The following MYO9B variants were observed in gnomAD, a reference collection of about 807,000 sequenced individuals.
MYO9B encodes the protein myosin IXB, also known as unconventional myosin-IXb.
A neutral mutation model predicts 229.5 loss-of-function variants in MYO9B; 71 were observed. The observed-to-expected ratio is 0.31, with a 90% CI of 0.26 to 0.38. The LOEUF (loss-of-function observed/expected upper bound fraction) is 0.38, where lower values mean the gene tolerates loss of function less well. MYO9B is among the 10% of genes least tolerant of loss of function. The pLI, the probability that MYO9B is intolerant of heterozygous loss-of-function variation, is 1.00. For synonymous variants in MYO9B, 1,185 were observed against 1,235.8 expected (o/e 0.96, Z 0.86); for missense variants, 2,255 against 2,920.5 (o/e 0.77, Z 5.25).
chr19:17,160,216 C>G (rs541628644), intron 8 of MYO9B, among the ~76,000 whole-genome samples: 5 of 152,128 alleles, frequency 3.3e-5, no homozygotes, highest in Admixed American at 2.6e-4. Context: ...AAACAGGCAC[C>G]GGGGACATTC....
Position 17,172,993 on chromosome 19 carries a change from C to A in MYO9B, c.2140+30C>A. The A allele has an allele frequency of 6.3e-7, 1 of 1,591,184 alleles. No individual in the cohort carries two copies. Among genetic ancestry groups the A allele is most frequent in the South Asian group, 1.1e-5 (1 of 90,732 alleles). On this transcript the variant is annotated intron_variant, in intron 13 of 39. Coordinates refer to ENST00000682292, the MANE Select transcript of MYO9B (RefSeq NM_004145.4). This position sits in a 1 kb window ranked among gnomAD's most constrained non-coding sequence, Gnocchi z 8.2. The stretch of plus-strand genomic sequence containing the variant: ...GAGCTGGGGCGTGAACCCACAAAAG[C>A]GTCACTGTCGAGAGGGGGGCACATC...
intron 2 of MYO9B, among the ~76,000 whole-genome samples, chr19:17,134,186 A>G (rs1466602595): frequency 3.3e-5 from 5 of 152,104 alleles, no homozygotes; most frequent in African/African-American, 1.2e-4. Context: ...TGAACACTGT[A>G]TCCAATAGGT....
intron 2 of MYO9B, among the ~76,000 whole-genome samples, chr19:17,128,894 T>C (rs2072158511): frequency 6.6e-6 from 1 of 152,218 alleles, no homozygotes; most frequent in Non-Finnish European, 1.5e-5. Context: ...TCTCCCTCTT[T>C]CAGCCCCTTT....
At chr19:17,163,898 G>A (rs889358191) in intron 10 of MYO9B, among the ~76,000 whole-genome samples, 4 of 152,160 alleles carry the variant, frequency 2.6e-5, no homozygotes, top group African/African-American at 9.7e-5. Context: ...CACTTGGGTT[G>A]CTTCCAGCTT....
chr19:17,152,648 G>A lies in MYO9B; in HGVS notation c.940G>A (p.Val314Ile), dbSNP rs752530375. Residue 314 changes from valine to isoleucine, a missense_variant, in exon 4 of 40, where the codon GTC (valine) becomes ATC (isoleucine). Coordinates refer to ENST00000682292, the MANE Select transcript of MYO9B (RefSeq NM_004145.4). Reference protein sequence around the residue: ...YLESGIVRGAVVEKYLLEKSR... With the variant: ...YLESGIVRGAIVEKYLLEKSR... ...CTGTTTTTCTCTTAATGACAGAGCTGTCGTCGAGAAATATCTGCTTGAAAA... is the reference window on the plus strand; with the variant it reads ...CTGTTTTTCTCTTAATGACAGAGCTATCGTCGAGAAATATCTGCTTGAAAA... 2.0e-5 allele frequency: 33 copies of A among 1,612,410 alleles called. No individual in the cohort carries two copies. Among genetic ancestry groups the A allele is most frequent in the Non-Finnish European group, 2.0e-5 (23 of 1,179,046 alleles).
At chr19:17,119,428 G>A (rs944821554) in intron 2 of MYO9B, among the ~76,000 whole-genome samples, 4 of 152,218 alleles carry the variant, frequency 2.6e-5, no homozygotes, top group Non-Finnish European at 5.9e-5. Flanking sequence ...AGGAATGAGC[G>A]AGTGCTGAGA....
At chr19:17,210,983 T>C (rs10404291) in intron 38 of MYO9B, 135 bp downstream of exon 38, 13,709 of 870,702 alleles carry the variant, frequency 0.016, 111 homozygotes, top group Middle Eastern at 0.034. Context: ...AACACTTTTT[T>C]TTTTTTTTTT....
chr19:17,122,336 C>T (rs2057973601), intron 2 of MYO9B, among the ~76,000 whole-genome samples: 1 of 151,982 alleles, frequency 6.6e-6, no homozygotes, highest in African/African-American at 2.4e-5. Flanking sequence ...GTCAGGAGTT[C>T]GAGACCAGCC....
intron 4 of MYO9B, 137 bp from the exon 5 acceptor site, chr19:17,153,830 T>C: frequency 1.6e-6 from 1 of 644,028 alleles, no homozygotes; most frequent in Non-Finnish European, 2.8e-6. Flanking sequence ...TTTTAAGACA[T>C]AGTAAGAACT....
At chr19:17,104,231 G>A (rs1368878052) in intron 2 of MYO9B, among the ~76,000 whole-genome samples, 1 of 152,136 alleles carries the variant, frequency 6.6e-6, no homozygotes, top group African/African-American at 2.4e-5. Flanking sequence ...CAAGGCGTAC[G>A]GCAGGCCTGG....
chr19:17,209,778 G>A, intron 36 of MYO9B, 69 bp downstream of exon 36: 2 of 1,568,846 alleles, frequency 1.3e-6, no homozygotes, highest in East Asian at 2.3e-5. Flanking sequence ...GCAGGGCCTT[G>A]GGCGTGGCTT....
intron 26 of MYO9B, 95 bp from the exon 27 acceptor site, chr19:17,201,831 C>A: frequency 1.2e-6 from 1 of 867,288 alleles, no homozygotes; most frequent in Non-Finnish European, 1.9e-6. Flanking sequence ...TAGGGGATGA[C>A]TTAAGAGAGG....
At chr19:17,083,026 CTTTT>C (rs71334657) in intron 1 of MYO9B, among the ~76,000 whole-genome samples, 4 of 90,916 alleles carry the variant, frequency 4.4e-5, no homozygotes, top group East Asian at 3.2e-4. Flanking sequence ...GTGAATCTTG[CTTTT>C]TTTTTTTTTT....
At chr19:17,197,447 GATAC>G (rs1172827843) in intron 22 of MYO9B, among the ~76,000 whole-genome samples, 16 of 144,648 alleles carry the variant, frequency 1.1e-4, no homozygotes, top group South Asian at 4.4e-4. Flanking sequence ...TAGATAGATA[GATAC>G]ATAGATAGAT....
intron 1 of MYO9B, among the ~76,000 whole-genome samples, chr19:17,080,700 T>G (rs2057526363): frequency 6.6e-6 from 1 of 152,048 alleles, no homozygotes; most frequent in Non-Finnish European, 1.5e-5. Flanking sequence ...AGATCCCATC[T>G]CTACAAAAAA....
Position 17,207,199 on chromosome 19 carries a change from A to T in MYO9B, c.5579A>T (p.Asn1860Ile). The T allele has an allele frequency of 1.2e-6, 2 of 1,602,396 alleles. No individual in the cohort carries two copies. Among genetic ancestry groups the T allele is most frequent in the South Asian group, 2.3e-5 (2 of 88,702 alleles). ...FAPCLLRCPDNSDPLTSMKDV... is the reference protein window; with the variant it reads ...FAPCLLRCPDISDPLTSMKDV... ...CCCTGCCTCCTGCGCTGCCCTGACA[A>T]CTCGGACCCGCTGACCAGCATGAAG... The change falls in exon 35 of 40, where the codon AAC becomes ATC. Residue 1860 changes from asparagine to isoleucine, a missense_variant. By Grantham distance (149) the Asn-to-Ile change is moderately radical. Coordinates refer to ENST00000682292, the MANE Select transcript of MYO9B (RefSeq NM_004145.4).
At chr19:17,084,680 A>G (rs1451018794) in intron 1 of MYO9B, among the ~76,000 whole-genome samples, 39 of 151,038 alleles carry the variant, frequency 2.6e-4, no homozygotes, top group Admixed American at 2.5e-3. Context: ...CCTGGCCAAC[A>G]TGGTGAAATC....
At chr19:17,179,501 A>T (rs1222664212) in intron 14 of MYO9B, among the ~76,000 whole-genome samples, 1 of 137,598 alleles carries the variant, frequency 7.3e-6, no homozygotes, top group Middle Eastern at 3.8e-3. Flanking sequence ...ATCTCGGCTC[A>T]CTACAACCTC....
At chr19:17,138,722 T>C (rs1438934505) in intron 2 of MYO9B, among the ~76,000 whole-genome samples, 1 of 152,208 alleles carries the variant, frequency 6.6e-6, no homozygotes, top group Admixed American at 6.5e-5. Flanking sequence ...AAATGCGTCA[T>C]TGGGTGATAT....
Sources: gnomAD v4.1 joint callset for allele counts (sites outside exome capture counted in the v4.1 genomes callset) on GRCh38, gnomAD v4.1.1 for gene constraint, Gnocchi (gnomAD v3.1) non-coding constraint, MANE v1.5 for transcripts, NCBI Gene and HGNC (gene_info 2026-07-23, HGNC 2026-07-21) for gene names.